DCP2: variants seen among roughly 807,000 people sequenced by gnomAD.
The protein encoded by DCP2 is decapping mRNA 2.
A neutral mutation model predicts 56.1 loss-of-function variants in DCP2; 30 were observed. The ratio of observed to expected loss-of-function variants is 0.53; its 90% confidence interval spans 0.40 to 0.73. The LOEUF (loss-of-function observed/expected upper bound fraction) is 0.73. DCP2 is among the 30% of genes least tolerant of loss of function. The pLI, the probability that DCP2 is intolerant of heterozygous loss-of-function variation, is 0.00. For synonymous variants in DCP2, 197 were observed against 163.3 expected, an observed-to-expected ratio of 1.21 and a Z score of -1.57; for missense variants, 533 against 502.7, an observed-to-expected ratio of 1.06 and a Z score of -0.58.
At position 113,021,936 on chromosome 5, in the gene DCP2, A is replaced by T. The variant is rs945951689; in HGVS notation, c.*8452A>T. ...GCCAACTAAAAATGGGCTATAAATG[A>T]GGGTTCTTTGGCCATTTTGATCTAA... On this transcript the variant is annotated 3_prime_UTR_variant, in exon 11 of 11. Coordinates refer to ENST00000389063, the MANE Select transcript of DCP2 (RefSeq NM_152624.6). 6.6e-6 allele frequency among the ~76,000 whole-genome samples: 1 copy of T among 152,214 alleles called. No homozygotes were observed. The highest frequency in any genetic ancestry group is 1.5e-5 in the Non-Finnish European group (1 of 68,030).
intron 1 of DCP2, among the ~76,000 whole-genome samples, chr5:112,979,611 A>C (rs887703391): frequency 6.6e-6 from 1 of 152,082 alleles, no homozygotes; most frequent in African/African-American, 2.4e-5. Flanking sequence ...TTTTTTGATA[A>C]ATTACATGTT....
intron 1 of DCP2, among the ~76,000 whole-genome samples, chr5:112,981,772 T>TTTTG (rs1748017837): frequency 6.6e-6 from 1 of 152,122 alleles, no homozygotes; most frequent in South Asian, 2.1e-4. Context: ...CTTCTAGCCT[T>TTTTG]TTTGTTTGTT....
At chr5:112,977,117 C>A (rs948089402) in intron 1 of DCP2, 131 bp downstream of exon 1, 3 of 633,926 alleles carry the variant, frequency 4.7e-6, no homozygotes, top group African/African-American at 3.8e-5. Context: ...TGCTCGCTTT[C>A]CATCGTCGAC....
At chr5:112,986,028 A>T in intron 2 of DCP2, 42 bp downstream of exon 2, 1 of 1,473,860 alleles carries the variant, frequency 6.8e-7, no homozygotes, top group Non-Finnish European at 9.1e-7. Flanking sequence ...TCTTGTTAGC[A>T]ATATATTTTA....
At chr5:113,009,792 A>C (rs1240238387) in intron 9 of DCP2, among the ~76,000 whole-genome samples, 1 of 152,216 alleles carries the variant, frequency 6.6e-6, no homozygotes, top group Non-Finnish European at 1.5e-5. Context: ...AGTACATATG[A>C]TATAATTCCA....
At chr5:113,010,067 C>G (rs1209789928) in intron 9 of DCP2, among the ~76,000 whole-genome samples, 10 of 145,024 alleles carry the variant, frequency 6.9e-5, no homozygotes, top group Admixed American at 4.9e-4. Context: ...GGGTTTTGCT[C>G]TGTCACCCAG....
chr5:112,992,784 T>G lies in DCP2; in HGVS notation c.432+14T>G. ...GCTGCTAGAGAGGTAAGTTATTCCA[T>G]TTTGATACACAGTAAATTTGGCTAT... is the stretch of plus-strand genomic sequence containing the variant. On this transcript the variant is annotated intron_variant, in intron 4 of 10. Transcript: ENST00000389063. The G allele has an allele frequency of 6.4e-7, 1 of 1,551,744 alleles. No homozygotes were observed. The highest frequency in any genetic ancestry group is 1.2e-5 in the South Asian group (1 of 80,308).
intron 4 of DCP2, among the ~76,000 whole-genome samples, chr5:113,000,435 C>CT (rs1485256348): frequency 2.0e-5 from 3 of 151,998 alleles, no homozygotes; most frequent in African/African-American, 7.2e-5. Flanking sequence ...CCCACACACC[C>CT]TACCTGAGTT....
At chr5:113,010,236 A>G (rs1749625003) in intron 9 of DCP2, among the ~76,000 whole-genome samples, 1 of 145,544 alleles carries the variant, frequency 6.9e-6, no homozygotes, top group African/African-American at 2.6e-5. Flanking sequence ...TGGTAGAAAT[A>G]GGTCTCACCA....
intron 1 of DCP2, chr5:112,984,699 A>ATATATATATATATATATATATAT (rs377520502): frequency 1.4e-3 from 112 of 78,334 alleles, no homozygotes; most frequent in Non-Finnish European, 1.8e-3. Context: ...AAAAAAAAAA[A>ATATATATATATATATATATATAT]AAAAATATAT....
At chr5:112,995,266 G>C (rs534846387) in intron 4 of DCP2, among the ~76,000 whole-genome samples, 1 of 152,332 alleles carries the variant, frequency 6.6e-6, no homozygotes, top group South Asian at 2.1e-4. Context: ...GAGAATGTGA[G>C]GAATTGCCAT....
intron 4 of DCP2, among the ~76,000 whole-genome samples, chr5:112,999,645 A>T (rs1441792328): frequency 2.0e-5 from 3 of 148,640 alleles, no homozygotes; most frequent in African/African-American, 7.6e-5. Context: ...TTTTTTTTTA[A>T]AGACAGGGTC....
chr5:113,007,516 T>A (rs577868711), intron 8 of DCP2, among the ~76,000 whole-genome samples: 2 of 152,080 alleles, frequency 1.3e-5, no homozygotes, highest in Admixed American at 6.6e-5. Context: ...CTCTTCTGCC[T>A]CTGCCTCCTG....
intron 1 of DCP2, chr5:112,984,356 T>C (rs1453997013): frequency 6.6e-6 from 1 of 152,204 alleles, no homozygotes; most frequent in Non-Finnish European, 1.5e-5. Context: ...CCTGCTGAAC[T>C]GGGCCAAAGT....
Position 113,013,614 on chromosome 5 carries a change from C to G in DCP2, c.*130C>G. On this transcript the variant is annotated 3_prime_UTR_variant, in exon 11 of 11. Transcript: ENST00000389063. ...GAGGCAATGTTTCTGAAGACATTTT[C>G]TGTTTATAAGAGAGTAGAAAGAAAC... 1 of 1,133,464 alleles carries G rather than the reference C, an allele frequency of 8.8e-7. No homozygotes were observed. Among genetic ancestry groups the G allele is most frequent in the Non-Finnish European group, 1.3e-6 (1 of 798,082 alleles). The allele number at this position is 1,133,464 out of a possible 1,614,324, so 70.2% of individuals were successfully genotyped here.
At chr5:112,988,750 G>A (rs938730087) in intron 2 of DCP2, among the ~76,000 whole-genome samples, 1 of 152,200 alleles carries the variant, frequency 6.6e-6, no homozygotes, top group African/African-American at 2.4e-5. Flanking sequence ...GTTCTCTGGA[G>A]AAATCTTAGT....
chr5:113,010,945 T>C lies in DCP2; in HGVS notation c.1099+138T>C. On this transcript the variant is annotated intron_variant, in intron 10 of 10. Coordinates refer to ENST00000389063, the MANE Select transcript of DCP2 (RefSeq NM_152624.6). The stretch of plus-strand genomic sequence containing the variant: ...GCATATGTTCTGTAGAAAGAGTTCA[T>C]GTATGTAGAGTTCTCTAAGAAACTG... 3.4e-6 allele frequency: 3 copies of C among 876,492 alleles called. No individual in the cohort carries two copies. The South Asian group carries it at 6.3e-5, about 18-fold the overall frequency. The allele number at this position is 876,492 out of a possible 1,614,324, so 54.3% of individuals were successfully genotyped here.
Position 113,017,865 on chromosome 5 carries a change from A to T in DCP2, c.*4381A>T, listed in dbSNP as rs1749956271. ...CTATACATATATATGTATCGCCATT[A>T]TCGAGTGTTTTCTAGCCCTGGATAA... On this transcript the variant is annotated 3_prime_UTR_variant, in exon 11 of 11. Coordinates refer to ENST00000389063, the MANE Select transcript of DCP2 (RefSeq NM_152624.6). 1 of 152,162 alleles carries T rather than the reference A, an allele frequency of 6.6e-6. No individual in the cohort carries two copies. Among genetic ancestry groups the T allele is most frequent in the Non-Finnish European group, 1.5e-5 (1 of 68,032 alleles). The allele number at this position is 152,162 out of a possible 1,614,324, so 9.4% of individuals were successfully genotyped here.
intron 4 of DCP2, among the ~76,000 whole-genome samples, chr5:112,993,769 C>G (rs558938479): frequency 6.6e-6 from 1 of 151,952 alleles, no homozygotes; most frequent in Non-Finnish European, 1.5e-5. Flanking sequence ...CCCTGAAGGA[C>G]TGCCACTGCC....
Sources: allele counts gnomAD v4.1 joint callset (sites outside exome capture counted in the v4.1 genomes callset), GRCh38; gene constraint gnomAD v4.1.1; transcripts MANE v1.5; gene names NCBI Gene and HGNC (gene_info 2026-07-23, HGNC 2026-07-21).